BICDL1: variants seen among roughly 807,000 people sequenced by gnomAD.
The protein encoded by BICDL1 is BICD family like cargo adaptor 1, also known as BICD family-like cargo adapter 1.
Under a neutral mutation model 76.8 loss-of-function variants are expected in BICDL1, and 20 were observed. The observed-to-expected ratio is 0.26, with a 90% CI of 0.18 to 0.38. The LOEUF is 0.38. BICDL1 is among the 10% of genes least tolerant of loss of function. The pLI, the probability that BICDL1 is intolerant of heterozygous loss-of-function variation, is 1.00. For missense variants in BICDL1, 700 were observed against 798.6 expected (o/e 0.88, Z 1.49); for synonymous variants, 383 against 337.1 (o/e 1.14, Z -1.49).
intron 9 of BICDL1, chr12:120,092,489 A>T: frequency 1.0e-6 from 1 of 985,490 alleles, no homozygotes; most frequent in Non-Finnish European, 1.2e-6. Context: ...GTGCCTGGGC[A>T]TCAGTAGCTC....
chr12:120,056,693 G>C (rs1206226109), intron 2 of BICDL1, among the ~76,000 whole-genome samples: 1 of 152,070 alleles, frequency 6.6e-6, no homozygotes, highest in Non-Finnish European at 1.5e-5. Context: ...CTCCAGCCTG[G>C]GTGACAGAGC....
intron 2 of BICDL1, among the ~76,000 whole-genome samples, chr12:120,029,401 A>G (rs1952375566): frequency 6.6e-6 from 1 of 152,094 alleles, no homozygotes. Context: ...GTTATTTTTT[A>G]TTTTTAACTT....
In BICDL1 at chr12:120,079,833, G is replaced by T. The variant is rs969078962; in HGVS notation, c.1453-1054G>T. On this transcript the variant is annotated intron_variant, in intron 7 of 9. Transcript: ENST00000548673. This position sits in a 1 kb window ranked among gnomAD's most constrained non-coding sequence, Gnocchi z 4.3. ...CGCCCTTGTCACTAATTCCTCCCTCGCCTGGGGCTTTGCTGTGCTCAGAGC... is the reference window on the plus strand; with the variant it reads ...CGCCCTTGTCACTAATTCCTCCCTCTCCTGGGGCTTTGCTGTGCTCAGAGC... Among the ~76,000 whole-genome samples, 7 of 152,198 alleles carry T rather than the reference G, an allele frequency of 4.6e-5. No individual in the cohort carries two copies. The highest frequency in any genetic ancestry group is 7.3e-5 in the Non-Finnish European group (5 of 68,038).
chr12:120,083,211 GAAAC>G (rs1286044307), intron 8 of BICDL1, among the ~76,000 whole-genome samples: 2 of 152,048 alleles, frequency 1.3e-5, no homozygotes, highest in African/African-American at 2.4e-5. Context: ...AGAAACTTTG[GAAAC>G]AAACATATTT....
rs375109137 is a variant in BICDL1 at position 120,043,189 on chromosome 12, C to T, written c.646-18521C>T. Among the ~76,000 whole-genome samples, 22 of 152,214 alleles carry T rather than the reference C, an allele frequency of 1.4e-4. No homozygotes were observed. The East Asian group carries it at 2.9e-3, about 20-fold the overall frequency. On this transcript the variant is annotated intron_variant, in intron 2 of 9. Transcript: ENST00000548673. The stretch of plus-strand genomic sequence containing the variant: ...GGGTATGTTACCTAGAGCAGTGCTC[C>T]GACCTAGAAAATGCTAAATAATATT...
At chr12:120,035,424 G>A (rs1952512806) in intron 2 of BICDL1, among the ~76,000 whole-genome samples, 1 of 152,178 alleles carries the variant, frequency 6.6e-6, no homozygotes, top group African/African-American at 2.4e-5. Context: ...TTGATCCCAT[G>A]TTAACCCTAT....
chr12:120,080,246 G>C (rs966413067), intron 7 of BICDL1, among the ~76,000 whole-genome samples: 1 of 152,238 alleles, frequency 6.6e-6, no homozygotes, highest in East Asian at 1.9e-4. Flanking sequence ...ACTCCCAGCT[G>C]GGGCACAAGG....
chr12:119,997,981 G>A (rs1021985631), intron 1 of BICDL1, among the ~76,000 whole-genome samples: 2 of 152,136 alleles, frequency 1.3e-5, no homozygotes, highest in African/African-American at 4.8e-5. Context: ...CAGTGTCATG[G>A]CGCATTCCTG....
rs75456005 is a variant in BICDL1 at position 120,068,995 on chromosome 12, T to C, written c.910-2627T>C. 9.2e-3 allele frequency among the ~76,000 whole-genome samples: 1,393 copies of C among 152,224 alleles called. 21 individuals are homozygous for C. The highest frequency in any genetic ancestry group is 0.031 in the African/African-American group (1,306 of 41,524). ...AGCACTGCCCACAATTCCTGACCCCTGCGCTGCTGTCTCCTCTCTACCACT... is the reference window on the plus strand; with the variant it reads ...AGCACTGCCCACAATTCCTGACCCCCGCGCTGCTGTCTCCTCTCTACCACT... On this transcript the variant is annotated intron_variant, in intron 4 of 9. Coordinates refer to ENST00000548673, the MANE Select transcript of BICDL1 (RefSeq NM_001367886.1).
intron 2 of BICDL1, among the ~76,000 whole-genome samples, chr12:120,044,749 C>G (rs1952712839): frequency 6.6e-6 from 1 of 152,046 alleles, no homozygotes; most frequent in East Asian, 1.9e-4. Context: ...GGGCTCTGTT[C>G]TGTTCCATTG....
At chr12:120,070,929 C>T (rs971098626) in intron 4 of BICDL1, among the ~76,000 whole-genome samples, 4 of 151,832 alleles carry the variant, frequency 2.6e-5, no homozygotes, top group Non-Finnish European at 4.4e-5. Flanking sequence ...CAGATTTCAC[C>T]ATGTTGGCCA....
chr12:120,005,340 G>T (rs2138639924), intron 2 of BICDL1, among the ~76,000 whole-genome samples: 1 of 152,204 alleles, frequency 6.6e-6, no homozygotes, highest in Middle Eastern at 3.4e-3. Flanking sequence ...CACACATGTT[G>T]TACATAACTT....
rs570459001 is a variant in BICDL1, at chr12:120,092,353, G to C, written c.1705-647G>C. 3 of 985,474 alleles carry C rather than the reference G, an allele frequency of 3.0e-6. No homozygotes were observed. The African/African-American group carries it at 5.2e-5, about 17-fold the overall frequency. The allele number at this position is 985,474 out of a possible 1,614,324, so 61.0% of individuals were successfully genotyped here. A position where few individuals can be genotyped will look rare whatever the true frequency, so the allele number is the denominator to read the frequency against. On this transcript the variant is annotated intron_variant, in intron 9 of 9. Coordinates refer to ENST00000548673, the MANE Select transcript of BICDL1 (RefSeq NM_001367886.1). Reference sequence around the variant, plus strand: ...CCCAGTGAGGAAGCTGAAAGAAATGGGCCTGATTTGGTGCAGGACAGCCCC... The same window carrying C: ...CCCAGTGAGGAAGCTGAAAGAAATGCGCCTGATTTGGTGCAGGACAGCCCC...
intron 2 of BICDL1, among the ~76,000 whole-genome samples, chr12:120,030,595 T>C (rs1047004314): frequency 2.6e-5 from 4 of 152,218 alleles, no homozygotes; most frequent in Admixed American, 1.3e-4. Context: ...ACTAAATGAC[T>C]TGCCCAAGGT....
chr12:120,026,233 A>G (rs1952298850), intron 2 of BICDL1, among the ~76,000 whole-genome samples: 1 of 152,230 alleles, frequency 6.6e-6, no homozygotes, highest in Non-Finnish European at 1.5e-5. Flanking sequence ...ATGGAAATGC[A>G]TATAAATATG....
Position 120,071,902 on chromosome 12 carries a change from C to T in BICDL1, c.1089+101C>T. The T allele has an allele frequency of 7.0e-7, 1 of 1,423,234 alleles. No homozygotes were observed. 88.2% of individuals were successfully genotyped at this position (1,423,234 alleles called of 1,614,324 possible). A position where few individuals can be genotyped will look rare whatever the true frequency, so the allele number is the denominator to read the frequency against. On this transcript the variant is annotated intron_variant, in intron 5 of 9. Coordinates refer to ENST00000548673, the MANE Select transcript of BICDL1 (RefSeq NM_001367886.1). The surrounding 1 kb of genome is among the most constrained non-coding windows in gnomAD (Gnocchi z 4.8). ...GCTGCCATCCTGGCAAGGCTGTGCC[C>T]CTGTGCCTGTGTCAGCCCCTTGGCC...
At chr12:120,082,817 C>A (rs1295323304) in intron 8 of BICDL1, among the ~76,000 whole-genome samples, 1 of 152,124 alleles carries the variant, frequency 6.6e-6, no homozygotes, top group Non-Finnish European at 1.5e-5. Context: ...GATCCACCCA[C>A]CTTAGCCTCC....
At chr12:120,072,377 A>C in intron 5 of BICDL1, 134 bp from the exon 6 acceptor site, 1 of 755,990 alleles carries the variant, frequency 1.3e-6, no homozygotes, top group Non-Finnish European at 2.2e-6. Context: ...TAAAAAAAAA[A>C]CACAGAACAA....
At chr12:120,058,325 G>T (rs1184125715) in intron 2 of BICDL1, among the ~76,000 whole-genome samples, 1 of 152,136 alleles carries the variant, frequency 6.6e-6, no homozygotes, top group Non-Finnish European at 1.5e-5. Context: ...TAAGAAGATC[G>T]CTTTGAGAAG....
Sources: gnomAD v4.1 joint callset for allele counts (sites outside exome capture counted in the v4.1 genomes callset) on GRCh38, gnomAD v4.1.1 for gene constraint, Gnocchi (gnomAD v3.1) non-coding constraint, MANE v1.5 for transcripts, NCBI Gene and HGNC (gene_info 2026-07-23, HGNC 2026-07-21) for gene names.